UBXN2B: variants seen among roughly 807,000 people sequenced by gnomAD.
The protein encoded by UBXN2B is UBX domain-containing protein 2B.
Under a neutral mutation model 37.5 loss-of-function variants are expected in UBXN2B, and 19 were observed. That is an observed-to-expected ratio of 0.51 (90% CI 0.35 to 0.74). UBXN2B has a LOEUF of 0.74. Among genes scored for constraint, UBXN2B ranks in the 30% least tolerant of loss-of-function variants. UBXN2B has a pLI of 0.01. For missense variants in UBXN2B, 370 were observed against 393.2 expected (o/e 0.94, Z 0.50); for synonymous variants, 145 against 143.8 (o/e 1.01, Z -0.06).
intron 2 of UBXN2B, among the ~76,000 whole-genome samples, chr8:58,422,110 G>A (rs1318519969): frequency 6.6e-6 from 1 of 152,210 alleles, no homozygotes; most frequent in Non-Finnish European, 1.5e-5. Flanking sequence ...CAAGCTTCTT[G>A]CTGCAAATAC....
At chr8:58,433,362 GT>G (rs1563463590) in intron 4 of UBXN2B, 119 bp downstream of exon 4, 1 of 738,740 alleles carries the variant, frequency 1.4e-6, no homozygotes, top group Non-Finnish European at 2.1e-6. Flanking sequence ...TAAAACATGG[GT>G]TAAAAGGACC....
intron 2 of UBXN2B, among the ~76,000 whole-genome samples, chr8:58,421,469 A>G (rs1295530792): frequency 1.3e-5 from 2 of 152,114 alleles, no homozygotes; most frequent in Non-Finnish European, 1.5e-5. Flanking sequence ...TAAAACCCTC[A>G]GTGAGCTCTG....
intron 2 of UBXN2B, chr8:58,424,731 A>T: frequency 7.1e-7 from 1 of 1,401,702 alleles, no homozygotes; most frequent in Non-Finnish European, 1.0e-6. Context: ...CCGCTAGAGA[A>T]TACTTAATAT....
intron 2 of UBXN2B, among the ~76,000 whole-genome samples, chr8:58,417,813 TTCTC>T (rs1446927922): frequency 6.6e-6 from 1 of 152,174 alleles, no homozygotes; most frequent in East Asian, 1.9e-4. Context: ...CACGCATGTA[TTCTC>T]TCTCTCTTTT....
At chr8:58,418,520 A>C (rs2129603728) in intron 2 of UBXN2B, among the ~76,000 whole-genome samples, 1 of 152,338 alleles carries the variant, frequency 6.6e-6, no homozygotes, top group East Asian at 1.9e-4. Flanking sequence ...CTAACATTGT[A>C]GATCACTGTT....
At position 58,416,899 on chromosome 8, in the gene UBXN2B, A is replaced by G; in HGVS notation, c.134A>G (p.Lys45Arg). Residue 45 changes from lysine (K) to arginine (R), a missense_variant, in exon 2 of 8, where the codon AAG becomes AGG. Lys to Arg is a conservative substitution (Grantham distance 26, BLOSUM62 2). This residue lies in a region of UBXN2B where 197 missense variants were observed against 170.2 expected (regional missense o/e 1.16). Coordinates refer to ENST00000399598, the MANE Select transcript of UBXN2B (RefSeq NM_001077619.2). ...GATGAAGTGAAGTGCAAATCTTCCA[A>G]GTCTAATAGACCTAAAGCCACAGTC... ...YEDEVKCKSS[K>R]SNRPKATVFK... 1 of 1,612,988 alleles carries G rather than the reference A, an allele frequency of 6.2e-7. No individual in the cohort carries two copies. The highest frequency in any genetic ancestry group is 8.5e-7 in the Non-Finnish European group (1 of 1,179,186).
chr8:58,419,266 A>G (rs1465904111), intron 2 of UBXN2B, among the ~76,000 whole-genome samples: 2 of 152,182 alleles, frequency 1.3e-5, no homozygotes, highest in Non-Finnish European at 2.9e-5. Flanking sequence ...CTTTGATTTC[A>G]TATTCAATAT....
At chr8:58,420,414 C>G (rs1389743850) in intron 2 of UBXN2B, among the ~76,000 whole-genome samples, 1 of 152,114 alleles carries the variant, frequency 6.6e-6, no homozygotes, top group Admixed American at 6.5e-5. Flanking sequence ...AAGTGAATCT[C>G]TTGAAACACT....
At chr8:58,414,483 A>G (rs1352374787) in intron 1 of UBXN2B, among the ~76,000 whole-genome samples, 2 of 152,236 alleles carry the variant, frequency 1.3e-5, no homozygotes, top group Non-Finnish European at 2.9e-5. Context: ...TAGAGGAAAG[A>G]TTATCAATAC....
chr8:58,412,824 G>A (rs1259677455), intron 1 of UBXN2B, among the ~76,000 whole-genome samples: 3 of 152,190 alleles, frequency 2.0e-5, no homozygotes, highest in African/African-American at 7.2e-5. Flanking sequence ...ATTAAATAAT[G>A]TTATAAAGGG....
intron 2 of UBXN2B, 68 bp from the exon 3 acceptor site, chr8:58,430,451 A>T: frequency 8.9e-7 from 1 of 1,121,576 alleles, no homozygotes; most frequent in East Asian, 2.8e-5. Context: ...TCATAAGACT[A>T]TGTAGCTTTT....
At position 58,425,004 on chromosome 8, in the gene UBXN2B, C is replaced by T. The variant is rs61275761; in HGVS notation, c.189-5515C>T. On this transcript the variant is annotated intron_variant, in intron 2 of 7. Coordinates refer to ENST00000399598, the MANE Select transcript of UBXN2B (RefSeq NM_001077619.2). ...GGCCAATTCCAGCACTGCCGTGCAC[C>T]ACGACTGGCCTTGCATGCATGATGC... is the stretch of plus-strand genomic sequence containing the variant. 5,188 of 785,172 alleles carry T rather than the reference C, an allele frequency of 6.6e-3. 206 individuals are homozygous for T. In the East Asian group the frequency reaches 0.093, roughly 14 times the overall value. 48.6% of individuals were successfully genotyped at this position (785,172 alleles called of 1,614,324 possible). A position where few individuals can be genotyped will look rare whatever the true frequency, so the allele number is the denominator to read the frequency against.
At chr8:58,442,742 C>A (rs773394739) in intron 6 of UBXN2B, among the ~76,000 whole-genome samples, 3 of 152,176 alleles carry the variant, frequency 2.0e-5, no homozygotes, top group Non-Finnish European at 4.4e-5. Flanking sequence ...ATCACAGAGT[C>A]ATTTTTAATA....
rs970209349 is a variant in UBXN2B at position 58,424,674 on chromosome 8, T to C, written c.189-5845T>C. ...GCTCTCATTTCTGCACAGCGTGGAG[T>C]TGGAGTACAAGGCGGGGGGGGGGGC... On this transcript the variant is annotated intron_variant, in intron 2 of 7. Coordinates refer to ENST00000399598, the MANE Select transcript of UBXN2B (RefSeq NM_001077619.2). 7.4e-6 allele frequency: 9 copies of C among 1,210,548 alleles called. No homozygotes were observed. The Admixed American group carries it at 8.8e-5, about 12-fold the overall frequency. 75.0% of individuals were successfully genotyped at this position (1,210,548 alleles called of 1,614,324 possible). A position where few individuals can be genotyped will look rare whatever the true frequency, so the allele number is the denominator to read the frequency against.
At chr8:58,442,682 G>A (rs1056575104) in intron 6 of UBXN2B, among the ~76,000 whole-genome samples, 8 of 152,196 alleles carry the variant, frequency 5.3e-5, no homozygotes, top group Non-Finnish European at 1.0e-4. Flanking sequence ...AGAACAAACT[G>A]TATTATTGAG....
intron 6 of UBXN2B, among the ~76,000 whole-genome samples, chr8:58,440,564 G>A (rs1808515301): frequency 6.6e-6 from 1 of 152,164 alleles, no homozygotes; most frequent in South Asian, 2.1e-4. Context: ...ATGGCTTAAT[G>A]TAATCTTAGA....
At chr8:58,412,139 G>T (rs985721031) in intron 1 of UBXN2B, among the ~76,000 whole-genome samples, 21 of 152,172 alleles carry the variant, frequency 1.4e-4, no homozygotes, top group Non-Finnish European at 2.8e-4. Flanking sequence ...CATTTTAGGC[G>T]TTTTTGTGTC....
chr8:58,419,777 C>G (rs774694541), intron 2 of UBXN2B, among the ~76,000 whole-genome samples: 1 of 152,162 alleles, frequency 6.6e-6, no homozygotes, highest in Non-Finnish European at 1.5e-5. Flanking sequence ...GAAAAAGAAC[C>G]AGCAGAACTT....
intron 5 of UBXN2B, among the ~76,000 whole-genome samples, chr8:58,437,743 G>A (rs1808450717): frequency 2.0e-5 from 3 of 152,334 alleles, no homozygotes; most frequent in African/African-American, 4.8e-5. Flanking sequence ...ATTTAAAAGA[G>A]AAGCAGAGCC....
Sources: allele counts gnomAD v4.1 joint callset (sites outside exome capture counted in the v4.1 genomes callset), GRCh38; gene constraint gnomAD v4.1.1; regional missense constraint gnomAD v4.1.1; transcripts MANE v1.5; gene names NCBI Gene and HGNC (gene_info 2026-07-23, HGNC 2026-07-21).